The following NR2F1-AS1 variants were observed in gnomAD, a reference collection of about 807,000 sequenced individuals.
The protein encoded by NR2F1-AS1 is NR2F1 regulatory antisense RNA 1, also known as NR2F1 antisense RNA 1.
intron 4 of NR2F1-AS1, among the ~76,000 whole-genome samples, chr5:93,548,708 C>CAA (rs1445839177): frequency 2.9e-5 from 4 of 137,066 alleles, no homozygotes; most frequent in Admixed American, 2.1e-4. Flanking sequence ...ACTAAAAATA[C>CAA]AAAAAAAAAA....
At chr5:93,517,839 T>C (rs1256487062) in intron 4 of NR2F1-AS1, among the ~76,000 whole-genome samples, 1 of 152,100 alleles carries the variant, frequency 6.6e-6, no homozygotes, top group Non-Finnish European at 1.5e-5. Flanking sequence ...TAGGGAAAAC[T>C]GGGTTAAAGT....
intron 4 of NR2F1-AS1, among the ~76,000 whole-genome samples, chr5:93,548,678 C>T (rs1026883840): frequency 6.6e-6 from 1 of 151,286 alleles, no homozygotes; most frequent in African/African-American, 2.4e-5. Context: ...GCTTGGCCAA[C>T]ATGGTGAGAC....
intron 4 of NR2F1-AS1, among the ~76,000 whole-genome samples, chr5:93,454,571 G>C (rs750898278): frequency 2.6e-5 from 4 of 152,124 alleles, no homozygotes; most frequent in Non-Finnish European, 5.9e-5. Flanking sequence ...AGTGATAGTA[G>C]CATCTTTTGC....
intron 4 of NR2F1-AS1, chr5:93,432,334 T>C (rs1749344599): frequency 6.6e-6 from 1 of 152,190 alleles, no homozygotes; most frequent in African/African-American, 2.4e-5. Flanking sequence ...CCAACATCTC[T>C]ATATTTGCTG....
chr5:93,496,933 A>G (rs973816813), intron 4 of NR2F1-AS1, among the ~76,000 whole-genome samples: 1 of 152,234 alleles, frequency 6.6e-6, no homozygotes, highest in African/African-American at 2.4e-5. Flanking sequence ...CTGTGAATAC[A>G]GAAAACATCT....
At chr5:93,569,482 C>T (rs1420318921) in intron 1 of NR2F1-AS1, among the ~76,000 whole-genome samples, 1 of 152,190 alleles carries the variant, frequency 6.6e-6, no homozygotes, top group East Asian at 1.9e-4. Context: ...CAGCGTTTCC[C>T]TGACTTTGAA....
chr5:93,501,661 G>A (rs1437663025), intron 4 of NR2F1-AS1, among the ~76,000 whole-genome samples: 1 of 152,078 alleles, frequency 6.6e-6, no homozygotes. Context: ...GCCAAAAGTG[G>A]TTTTCTGAAA....
At chr5:93,507,888 A>T (rs1380095530) in intron 4 of NR2F1-AS1, among the ~76,000 whole-genome samples, 3 of 152,144 alleles carry the variant, frequency 2.0e-5, no homozygotes, top group Non-Finnish European at 4.4e-5. Flanking sequence ...AAACAAAATC[A>T]TAATGTACCT....
intron 4 of NR2F1-AS1, among the ~76,000 whole-genome samples, chr5:93,534,042 A>G (rs1434580977): frequency 6.6e-6 from 1 of 152,208 alleles, no homozygotes; most frequent in Non-Finnish European, 1.5e-5. Flanking sequence ...ACATTGTGCC[A>G]CTGAACTCCA....
intron 1 of NR2F1-AS1, chr5:93,570,139 T>C (rs1580343018): frequency 6.6e-6 from 1 of 152,232 alleles, no homozygotes; most frequent in Admixed American, 6.5e-5. Flanking sequence ...TACATAGCAC[T>C]TTCTCCGCTG....
chr5:93,461,234 A>G (rs1750084558), intron 4 of NR2F1-AS1, among the ~76,000 whole-genome samples: 1 of 152,252 alleles, frequency 6.6e-6, no homozygotes, highest in Non-Finnish European at 1.5e-5. Flanking sequence ...ACAGAGGAAC[A>G]CAAATCCAAA....
At chr5:93,540,102 A>C (rs1236938598) in intron 4 of NR2F1-AS1, among the ~76,000 whole-genome samples, 2 of 152,202 alleles carry the variant, frequency 1.3e-5, no homozygotes, top group African/African-American at 2.4e-5. Flanking sequence ...CTATGTGATC[A>C]GTTTATTCTC....
At chr5:93,441,199 G>A (rs1749561025) in intron 4 of NR2F1-AS1, among the ~76,000 whole-genome samples, 1 of 152,212 alleles carries the variant, frequency 6.6e-6, no homozygotes, top group African/African-American at 2.4e-5. Context: ...GGTGAAGATA[G>A]GATGACAGCT....
intron 4 of NR2F1-AS1, among the ~76,000 whole-genome samples, chr5:93,499,888 C>A (rs543998344): frequency 1.3e-5 from 2 of 152,208 alleles, no homozygotes; most frequent in Non-Finnish European, 2.9e-5. Context: ...ATCAAACCAG[C>A]TACAGCATTC....
intron 4 of NR2F1-AS1, among the ~76,000 whole-genome samples, chr5:93,537,254 T>A (rs1213882220): frequency 1.3e-5 from 2 of 152,132 alleles, no homozygotes; most frequent in East Asian, 3.9e-4. Context: ...CAGGAATTTT[T>A]TAAATAAGAC....
intron 4 of NR2F1-AS1, among the ~76,000 whole-genome samples, chr5:93,479,976 C>A (rs1750566457): frequency 6.6e-6 from 1 of 151,698 alleles, no homozygotes; most frequent in African/African-American, 2.4e-5. Context: ...TTATACTTAC[C>A]CAGTCTTATG....
upstream of NR2F1-AS1, chr5:93,585,168 C>G: frequency 8.2e-7 from 1 of 1,222,026 alleles, no homozygotes; most frequent in Non-Finnish European, 1.0e-6. Context: ...CTCGGGCGCG[C>G]CGCACACGCC....
At chr5:93,512,346 T>C (rs1451839038) in intron 4 of NR2F1-AS1, among the ~76,000 whole-genome samples, 3 of 152,208 alleles carry the variant, frequency 2.0e-5, no homozygotes, top group African/African-American at 7.2e-5. Flanking sequence ...AGCTGTACAA[T>C]GTGTTTATGT....
chr5:93,518,672 A>G (rs1751444156), intron 4 of NR2F1-AS1, among the ~76,000 whole-genome samples: 1 of 152,104 alleles, frequency 6.6e-6, no homozygotes, highest in African/African-American at 2.4e-5. Context: ...ATCTTCAACT[A>G]TTTAGTATCA....
Sources: allele counts gnomAD v4.1 joint callset (sites outside exome capture counted in the v4.1 genomes callset), GRCh38; gene constraint gnomAD v4.1.1; transcripts MANE v1.5; gene names NCBI Gene and HGNC (gene_info 2026-07-23, HGNC 2026-07-21).